Variants in GMDS observed in about 807,000 individuals in gnomAD.
GMDS encodes the protein GDP-mannose 4,6-dehydratase.
GMDS carries 20 observed loss-of-function variants against 49.9 expected under a neutral mutation model. That is an observed-to-expected ratio of 0.40 (90% CI 0.28 to 0.58). The LOEUF (loss-of-function observed/expected upper bound fraction) is 0.58. GMDS is among the 20% of genes least tolerant of loss of function. The pLI, the probability that GMDS is intolerant of heterozygous loss-of-function variation, is 0.42. For missense variants in GMDS, 362 were observed against 481.4 expected (o/e 0.75, Z 2.32); for synonymous variants, 177 against 178.6 (o/e 0.99, Z 0.07).
intron 9 of GMDS, among the ~76,000 whole-genome samples, chr6:1,691,514 T>TAAAATA (rs1338709037): frequency 6.6e-6 from 1 of 152,064 alleles, no homozygotes; most frequent in African/African-American, 2.4e-5. Flanking sequence ...GAATTTAAAA[T>TAAAATA]AAAATAAAAA....
rs544952141 is a variant in GMDS, at chr6:2,069,883, A to G, written c.345+45888T>C. 1.3e-4 allele frequency among the ~76,000 whole-genome samples: 20 copies of G among 152,268 alleles called. 1 individual carries two copies. In the South Asian group the frequency reaches 2.5e-3, roughly 19 times the overall value. ...GGCGATCCCTCAGGTATCTAGAATTAGAAATACCATTTGACCCAGCCATCC... is the reference window on the plus strand; with the variant it reads ...GGCGATCCCTCAGGTATCTAGAATTGGAAATACCATTTGACCCAGCCATCC... On this transcript the variant is annotated intron_variant, in intron 4 of 10. Coordinates refer to ENST00000380815, the MANE Select transcript of GMDS (RefSeq NM_001500.4).
intron 1 of GMDS, among the ~76,000 whole-genome samples, chr6:2,188,067 C>T (rs1778855833): frequency 6.6e-6 from 1 of 152,224 alleles, no homozygotes; most frequent in South Asian, 2.1e-4. Context: ...CAATTCCATA[C>T]ACATGCAGGC....
At chr6:1,839,627 T>C (rs772898096) in intron 7 of GMDS, among the ~76,000 whole-genome samples, 30 of 152,218 alleles carry the variant, frequency 2.0e-4, no homozygotes, top group Non-Finnish European at 1.2e-4. Context: ...TTCTGACCAC[T>C]CTAGTCTATT....
At chr6:2,026,523 A>C (rs1256223585) in intron 4 of GMDS, among the ~76,000 whole-genome samples, 1 of 152,240 alleles carries the variant, frequency 6.6e-6, no homozygotes, top group Non-Finnish European at 1.5e-5. Context: ...CCAGCAGCTG[A>C]ATCGACATTT....
intron 4 of GMDS, among the ~76,000 whole-genome samples, chr6:2,099,899 T>C (rs1229682017): frequency 6.6e-6 from 1 of 152,122 alleles, no homozygotes; most frequent in African/African-American, 2.4e-5. Flanking sequence ...ACTGATGTTT[T>C]CATTAGACAG....
At chr6:1,763,487 C>G (rs926542939) in intron 7 of GMDS, among the ~76,000 whole-genome samples, 8 of 152,212 alleles carry the variant, frequency 5.3e-5, no homozygotes, top group African/African-American at 1.9e-4. Context: ...CCCTTACTGT[C>G]TGGCGAGGCC....
chr6:1,746,662 T>C (rs1038031449), intron 7 of GMDS, among the ~76,000 whole-genome samples: 1 of 151,790 alleles, frequency 6.6e-6, no homozygotes, highest in African/African-American at 2.4e-5. Context: ...ACAAATCCAA[T>C]TTGGAGAAGT....
chr6:1,709,892 C>T (rs532789997), intron 9 of GMDS, among the ~76,000 whole-genome samples: 1 of 152,250 alleles, frequency 6.6e-6, no homozygotes, highest in East Asian at 1.9e-4. Context: ...CTGCCTAACT[C>T]GACTGAGGCA....
chr6:2,055,644 TC>T (rs1164484933), intron 4 of GMDS, among the ~76,000 whole-genome samples: 1 of 152,130 alleles, frequency 6.6e-6, no homozygotes, highest in African/African-American at 2.4e-5. Context: ...TAAATTGGAC[TC>T]CCCTTGGTTT....
At position 2,231,926 on chromosome 6, in the gene GMDS, T is replaced by C. The variant is rs1781127937; in HGVS notation, c.102+13395A>G. Among the ~76,000 whole-genome samples, 2 of 152,212 alleles carry C rather than the reference T, an allele frequency of 1.3e-5. 1 individual carries two copies. Among genetic ancestry groups the C allele is most frequent in the South Asian group, 4.1e-4 (2 of 4,836 alleles). ...TGAAATTGTTTTTCATTTCAGAATC[T>C]GAACAAATGAAATTGGACAAATGAA... On this transcript the variant is annotated intron_variant, in intron 1 of 10. Transcript: ENST00000380815.
intron 4 of GMDS, among the ~76,000 whole-genome samples, chr6:2,053,573 CT>C (rs1169225266): frequency 6.6e-6 from 1 of 150,716 alleles, no homozygotes; most frequent in East Asian, 1.9e-4. Context: ...CACTTATTAA[CT>C]TTTTATAGTT....
intron 4 of GMDS, among the ~76,000 whole-genome samples, chr6:2,050,430 G>T (rs1770311959): frequency 6.6e-6 from 1 of 152,176 alleles, no homozygotes; most frequent in Non-Finnish European, 1.5e-5. Context: ...TAGATTCACA[G>T]CCGAATTCTA....
At chr6:2,050,613 G>T (rs776394587) in intron 4 of GMDS, among the ~76,000 whole-genome samples, 1 of 152,118 alleles carries the variant, frequency 6.6e-6, no homozygotes, top group Non-Finnish European at 1.5e-5. Context: ...GATGAACATC[G>T]ATGTGAAAAA....
chr6:1,656,750 C>T (rs916029601), intron 9 of GMDS, among the ~76,000 whole-genome samples: 5 of 150,252 alleles, frequency 3.3e-5, no homozygotes, highest in East Asian at 2.0e-4. Context: ...GGCGACAGAG[C>T]GAGACTCTGT....
At chr6:2,230,941 ACCC>A (rs56658390) in intron 1 of GMDS, among the ~76,000 whole-genome samples, 3 of 18,668 alleles carry the variant, frequency 1.6e-4, no homozygotes, top group Admixed American at 8.1e-4. Context: ...CCCCCCTCCC[ACCC>A]CCCCCCCCCG....
At chr6:2,014,463 A>C (rs1326438900) in intron 4 of GMDS, among the ~76,000 whole-genome samples, 1 of 152,088 alleles carries the variant, frequency 6.6e-6, no homozygotes, top group African/African-American at 2.4e-5. Context: ...TCTGTTATAA[A>C]GTACATGAAC....
At chr6:2,171,776 G>C (rs1008934761) in intron 1 of GMDS, among the ~76,000 whole-genome samples, 2 of 152,022 alleles carry the variant, frequency 1.3e-5, no homozygotes, top group African/African-American at 4.8e-5. Context: ...AATGCACAAA[G>C]ACTTCCATGA....
At chr6:2,151,337 A>AT (rs926758314) in intron 1 of GMDS, among the ~76,000 whole-genome samples, 14 of 152,014 alleles carry the variant, frequency 9.2e-5, no homozygotes, top group Non-Finnish European at 1.9e-4. Context: ...ACTTAAAACA[A>AT]TTTTTTTATT....
At chr6:1,645,574 C>T (rs1471609755) in intron 9 of GMDS, among the ~76,000 whole-genome samples, 4 of 152,210 alleles carry the variant, frequency 2.6e-5, no homozygotes, top group African/African-American at 9.7e-5. Flanking sequence ...CTTTTCCTCC[C>T]ACTCTCCGGG....
Sources: gnomAD v4.1 joint callset for allele counts (sites outside exome capture counted in the v4.1 genomes callset) on GRCh38, gnomAD v4.1.1 for gene constraint, MANE v1.5 for transcripts, NCBI Gene and HGNC (gene_info 2026-07-23, HGNC 2026-07-21) for gene names.